TULP4: variants seen among roughly 807,000 people sequenced by gnomAD.
TULP4 encodes tubby-related protein 4.
TULP4 carries 16 observed loss-of-function variants against 129.0 expected under a neutral mutation model. The ratio of observed to expected loss-of-function variants is 0.12; its 90% confidence interval spans 0.08 to 0.19. TULP4 has a LOEUF of 0.19. TULP4 is among the 10% of genes least tolerant of loss of function. The pLI, the probability that TULP4 is intolerant of heterozygous loss-of-function variation, is 1.00. For missense variants in TULP4, 1,842 were observed against 2,059.1 expected, an observed-to-expected ratio of 0.89 and a Z score of 2.04; for synonymous variants, 998 against 854.0, an observed-to-expected ratio of 1.17 and a Z score of -2.94.
At chr6:158,483,709 C>A (rs1780000452) in intron 8 of TULP4, among the ~76,000 whole-genome samples, 1 of 152,002 alleles carries the variant, frequency 6.6e-6, no homozygotes, top group Non-Finnish European at 1.5e-5. Context: ...CCATGCAAAT[C>A]ACCTGGGATG....
At chr6:158,479,375 T>TA (rs1030301387) in intron 6 of TULP4, among the ~76,000 whole-genome samples, 2 of 152,226 alleles carry the variant, frequency 1.3e-5, no homozygotes, top group African/African-American at 4.8e-5. Flanking sequence ...ACAAACTTTA[T>TA]AAAATTATTC....
chr6:158,499,536 G>A (rs1001961223), intron 12 of TULP4, among the ~76,000 whole-genome samples: 1 of 152,192 alleles, frequency 6.6e-6, no homozygotes, highest in African/African-American at 2.4e-5. Context: ...AGTTAGTTGT[G>A]TGTAACTATT....
intron 1 of TULP4, among the ~76,000 whole-genome samples, chr6:158,331,714 CACACACACACACACATACGTATAT>C (rs751334939): frequency 0.13 from 3,225 of 24,876 alleles, 1,096 homozygotes; most frequent in Non-Finnish European, 0.24. Context: ...CACACACACA[CACACACACACACACATACGTATAT>C]ATATACGTGT....
At chr6:158,248,890 T>C (rs1778083779) in intron 1 of TULP4, among the ~76,000 whole-genome samples, 1 of 151,622 alleles carries the variant, frequency 6.6e-6, no homozygotes, top group Non-Finnish European at 1.5e-5. Flanking sequence ...CAGGTTTAGG[T>C]GGAAGGATTG....
intron 1 of TULP4, among the ~76,000 whole-genome samples, chr6:158,233,910 A>G (rs1040035211): frequency 9.9e-5 from 15 of 152,054 alleles, no homozygotes; most frequent in Non-Finnish European, 2.9e-5. Flanking sequence ...AGGTTTATTT[A>G]TTTATTTTTG....
At chr6:158,265,256 T>A (rs1038936540) in intron 1 of TULP4, among the ~76,000 whole-genome samples, 7 of 152,306 alleles carry the variant, frequency 4.6e-5, no homozygotes, top group African/African-American at 1.7e-4. Flanking sequence ...CTGGTCTGAT[T>A]CTTTTTCCAT....
At chr6:158,331,720 C>CGTGTAT (rs1388649023) in intron 1 of TULP4, among the ~76,000 whole-genome samples, 1 of 48,176 alleles carries the variant, frequency 2.1e-5, no homozygotes, top group Non-Finnish European at 4.3e-5. Flanking sequence ...CACACACACA[C>CGTGTAT]ACACACACAT....
rs180725067 is a variant in TULP4 at position 158,350,877 on chromosome 6, C to A, written c.252+36609C>A. On this transcript the variant is annotated intron_variant, in intron 1 of 13. Transcript: ENST00000367097. ...CCGGTTTCCAGCGATTCTCTTGCCTCAGACTCCTTGGTGGCTGGGATTACT... is the reference window on the plus strand; with the variant it reads ...CCGGTTTCCAGCGATTCTCTTGCCTAAGACTCCTTGGTGGCTGGGATTACT... Among the ~76,000 whole-genome samples, 305 of 152,096 alleles carry A rather than the reference C, an allele frequency of 2.0e-3. 2 individuals are homozygous for A. Among genetic ancestry groups the A allele is most frequent in the African/African-American group, 6.5e-3 (269 of 41,500 alleles).
At position 158,508,900 on chromosome 6, in the gene TULP4, T is replaced by C. The variant is rs1780665594; in HGVS notation, c.*2206T>C. 1 of 143,904 alleles carries C rather than the reference T, an allele frequency of 6.9e-6. No homozygotes were observed. The highest frequency in any genetic ancestry group is 1.5e-5 in the Non-Finnish European group (1 of 65,990). 8.9% of individuals were successfully genotyped at this position (143,904 alleles called of 1,614,324 possible). ...AAGGTTTTTTTTTTTTTTTTTTTTT[T>C]TTTTTGAGACGGAGTCCCACTCTTG... On this transcript the variant is annotated 3_prime_UTR_variant, in exon 14 of 14. Transcript: ENST00000367097.
At chr6:158,325,599 G>A (rs907562670) in intron 1 of TULP4, among the ~76,000 whole-genome samples, 20 of 152,050 alleles carry the variant, frequency 1.3e-4, no homozygotes, top group African/African-American at 2.9e-4. Context: ...TGATCCGCCC[G>A]CCTCGGCCTC....
intron 8 of TULP4, among the ~76,000 whole-genome samples, chr6:158,484,855 C>G (rs1005821894): frequency 6.6e-6 from 1 of 152,250 alleles, no homozygotes; most frequent in South Asian, 2.1e-4. Flanking sequence ...CGTGCTCTTG[C>G]ATACACACAC....
intron 1 of TULP4, among the ~76,000 whole-genome samples, chr6:158,402,966 T>C (rs1462408750): frequency 6.6e-6 from 1 of 151,906 alleles, no homozygotes; most frequent in African/African-American, 2.4e-5. Flanking sequence ...ATCTCAATGA[T>C]TTGTTTTGTG....
At chr6:158,328,772 T>TG (rs11412128) in intron 1 of TULP4, among the ~76,000 whole-genome samples, 130,928 of 152,070 alleles carry the variant, frequency 0.86, 56,794 homozygotes, top group South Asian at 0.93. Flanking sequence ...CATTCTAGAC[T>TG]CATCTTGTGC....
At chr6:158,473,096 AC>A (rs772951336) in intron 6 of TULP4, among the ~76,000 whole-genome samples, 32 of 152,342 alleles carry the variant, frequency 2.1e-4, no homozygotes, top group Admixed American at 3.9e-4. Context: ...TTGATGTGAT[AC>A]TGGGTAAAAA....
chr6:158,483,161 G>T (rs1779986209), intron 8 of TULP4, among the ~76,000 whole-genome samples: 1 of 152,128 alleles, frequency 6.6e-6, no homozygotes, highest in Non-Finnish European at 1.5e-5. Context: ...ATAAGACAAT[G>T]TAAGCACTTG....
intron 3 of TULP4, chr6:158,438,053 A>C (rs1778790794): frequency 6.6e-6 from 1 of 152,200 alleles, no homozygotes; most frequent in Non-Finnish European, 1.5e-5. Context: ...TAGCCACCAC[A>C]CTTCAGCCTG....
At position 158,498,681 on chromosome 6, in the gene TULP4, C is replaced by T. The variant is rs1780382215; in HGVS notation, c.1883C>T (p.Thr628Ile). The stretch of plus-strand genomic sequence containing the variant: ...TTTTCCCCACCAGTAATCTATAAAA[C>T]CAGCCTCCTGCATCTCCAGCCGCGG... ...PTNLGAVIYK[T>I]SLLHLQPRQM... is the part of the protein sequence containing the mutation. The change falls in exon 12 of 14, where the codon ACC becomes ATC. Residue 628 changes from threonine to isoleucine, a missense_variant. Thr to Ile is a moderately conservative substitution (Grantham distance 89, BLOSUM62 -1). This residue lies in a region of TULP4 where 99 missense variants were observed against 165.1 expected (regional missense o/e 0.60). Transcript: ENST00000367097. 6.2e-7 allele frequency: 1 copy of T among 1,614,080 alleles called. No individual in the cohort carries two copies. The highest frequency in any genetic ancestry group is 8.5e-7 in the Non-Finnish European group (1 of 1,180,044).
Position 158,502,649 on chromosome 6 carries a change from C to T in TULP4, c.2986C>T (p.Leu996Phe), listed in dbSNP as rs772283211. 3.2e-5 allele frequency: 50 copies of T among 1,577,418 alleles called. No homozygotes were observed. The highest frequency in any genetic ancestry group is 1.7e-4 in the Middle Eastern group (1 of 5,954). ...GCGGAGGAACAACCGTGAGGCTACG[C>T]TCAAGATGGCCCAGCTGGCCGACAG... ...TLRRNNREATLKMAQLADSPR... is the reference protein window; with the variant it reads ...TLRRNNREATFKMAQLADSPR... Residue 996 changes from leucine (L) to phenylalanine (F), a missense_variant, in exon 13 of 14, where the codon CTC becomes TTC. This residue lies in a region of TULP4 where 1,089 missense variants were observed against 987.1 expected (regional missense o/e 1.10). Coordinates refer to ENST00000367097, the MANE Select transcript of TULP4 (RefSeq NM_020245.5).
rs9457376 is a variant in TULP4, at chr6:158,444,015, T to A, written c.544-4981T>A. Among the ~76,000 whole-genome samples the A allele has an allele frequency of 5.5e-3, 833 of 151,750 alleles. 7 individuals carry two copies. Among genetic ancestry groups the A allele is most frequent in the African/African-American group, 0.018 (747 of 41,358 alleles). On this transcript the variant is annotated intron_variant, in intron 3 of 13. Transcript: ENST00000367097. ...TGGGCGGATCACAAGGTCAGGAGAT[T>A]GAGACCATCCTGGCTAACACGGTGA...
Sources: gnomAD v4.1 joint callset for allele counts (sites outside exome capture counted in the v4.1 genomes callset) on GRCh38, gnomAD v4.1.1 for gene constraint, gnomAD v4.1.1 regional missense constraint, MANE v1.5 for transcripts, NCBI Gene and HGNC (gene_info 2026-07-23, HGNC 2026-07-21) for gene names.